DGKK: variants seen among roughly 807,000 people sequenced by gnomAD.
DGKK encodes the protein 142 kDa diacylglycerol kinase.
In DGKK, 35 loss-of-function variants were observed where a neutral mutation model predicts 92.2. The ratio of observed to expected loss-of-function variants is 0.38; its 90% confidence interval spans 0.29 to 0.50. The LOEUF (loss-of-function observed/expected upper bound fraction) is 0.50, where lower values mean the gene tolerates loss of function less well. DGKK is among the 20% of genes least tolerant of loss of function. The pLI, the probability that DGKK is intolerant of heterozygous loss-of-function variation, is 0.92. For synonymous variants in DGKK, 368 were observed against 360.6 expected, an observed-to-expected ratio of 1.02 and a Z score of -0.23; for missense variants, 910 against 992.2, an observed-to-expected ratio of 0.92 and a Z score of 1.11.
At chrX:50,377,012 G>C in intron 22 of DGKK, 94 bp from the exon 23 acceptor site, 1 of 900,224 alleles carries the variant, frequency 1.1e-6, no homozygotes, top group Non-Finnish European at 1.5e-6. Context: ...GTGGGCAATG[G>C]GTATGTGGGT....
intron 1 of DGKK, among the ~76,000 whole-genome samples, chrX:50,467,959 C>G (rs1926950736): frequency 8.9e-6 from 1 of 111,911 alleles, no homozygotes; most frequent in South Asian, 3.8e-4. Flanking sequence ...GGTTCTTAAC[C>G]CCATTCTACA....
rs781821988 is a variant in DGKK, at chrX:50,386,520, A to T, written c.2185T>A (p.Ser729Thr). 9.1e-6 allele frequency: 11 copies of T among 1,208,946 alleles called. No homozygotes were observed. The highest frequency in any genetic ancestry group is 1.2e-5 in the Non-Finnish European group (11 of 894,767). Residue 729 changes from serine (S) to threonine (T), a missense_variant, in exon 15 of 28, where the codon TCT becomes ACT. Physicochemically the swap from Ser to Thr is moderately conservative, Grantham distance 58. Coordinates refer to ENST00000611977, the MANE Select transcript of DGKK (RefSeq NM_001013742.4). Reference sequence around the variant, plus strand: ...TATTCTGTAGCACTTTTTTCAGCAGAAGTAGCTGCTGCCTCCTCAGCCAGG... The same window carrying T: ...TATTCTGTAGCACTTTTTTCAGCAGTAGTAGCTGCTGCCTCCTCAGCCAGG... Reference protein sequence around the residue: ...DVLAEEAAATSAEKSATEYAD... With the variant: ...DVLAEEAAATTAEKSATEYAD...
intron 22 of DGKK, among the ~76,000 whole-genome samples, chrX:50,377,717 AAGG>A (rs1357762234): frequency 8.9e-6 from 1 of 112,337 alleles, no homozygotes; most frequent in Non-Finnish European, 1.9e-5. Context: ...TCTGTTGCTG[AAGG>A]AGAAGATTTT....
intron 1 of DGKK, among the ~76,000 whole-genome samples, chrX:50,440,905 T>C (rs1425749236): frequency 8.9e-6 from 1 of 111,960 alleles, no homozygotes; most frequent in Admixed American, 9.4e-5. Context: ...ATAGAGTAGG[T>C]GGGCATAGCT....
At chrX:50,393,771 C>T (rs1255284003) in intron 8 of DGKK, among the ~76,000 whole-genome samples, 1 of 111,724 alleles carries the variant, frequency 9.0e-6, no homozygotes, top group Non-Finnish European at 1.9e-5. Context: ...TTTCTCTGCC[C>T]AGGATACCTC....
intron 1 of DGKK, among the ~76,000 whole-genome samples, chrX:50,445,006 C>T (rs988169395): frequency 3.3e-4 from 36 of 110,390 alleles, no homozygotes; most frequent in Non-Finnish European, 5.7e-4. Context: ...GATGGTATCT[C>T]GTTGTGGTTT....
At chrX:50,436,948 C>T (rs905425990) in intron 1 of DGKK, among the ~76,000 whole-genome samples, 4 of 111,615 alleles carry the variant, frequency 3.6e-5, no homozygotes, top group South Asian at 3.8e-4. Flanking sequence ...AAACTCTCTG[C>T]CATCATCACT....
intron 23 of DGKK, 69 bp downstream of exon 23, chrX:50,376,687 GAC>G (rs1487477797): frequency 9.8e-7 from 1 of 1,021,343 alleles, no homozygotes; most frequent in Non-Finnish European, 1.3e-6. Flanking sequence ...GTAGCCAATA[GAC>G]ACAAATTGGC....
chrX:50,385,821 T>C (rs942687670), intron 15 of DGKK, among the ~76,000 whole-genome samples: 9 of 111,374 alleles, frequency 8.1e-5, no homozygotes, highest in Non-Finnish European at 1.5e-4. Context: ...ACTGAGGGAG[T>C]TGAAGAGTTT....
At position 50,366,800 on chromosome X, in the gene DGKK, T is replaced by TAGTG. The variant is rs1367858829; in HGVS notation, c.*2136_*2139dup. ...ATAGAGGAGCCAAGTCAGGCTGCAATAGTGAGCTTGCTGATTTCATCTAAT... is the reference window on the plus strand; with the variant it reads ...ATAGAGGAGCCAAGTCAGGCTGCAATAGTGAGTGAGCTTGCTGATTTCATCTAAT... On this transcript the variant is annotated 3_prime_UTR_variant, in exon 28 of 28. Transcript: ENST00000611977. The TAGTG allele has an allele frequency of 9.2e-4, 103 of 111,944 alleles. No homozygotes were observed. The highest frequency in any genetic ancestry group is 3.2e-3 in the African/African-American group (100 of 30,831). The allele number at this position is 111,944 out of a possible 1,213,427, so 9.2% of individuals were successfully genotyped here.
At chrX:50,408,995 TC>T (rs1925239676) in intron 4 of DGKK, among the ~76,000 whole-genome samples, 2 of 111,332 alleles carry the variant, frequency 1.8e-5, no homozygotes, top group Admixed American at 9.5e-5. Flanking sequence ...TTGAATTGTA[TC>T]CCCCTAAAGG....
At chrX:50,432,191 G>A (rs781877705) in intron 1 of DGKK, among the ~76,000 whole-genome samples, 2 of 111,997 alleles carry the variant, frequency 1.8e-5, no homozygotes, top group Non-Finnish European at 3.8e-5. Flanking sequence ...TTTCTACCAC[G>A]CAGGTCTGCA....
At position 50,470,345 on chromosome X, in the gene DGKK, C is replaced by T. The variant is rs1391596636; in HGVS notation, c.334G>A (p.Glu112Lys). ...APEPATEPAP[E>K]PAPEPATESA... The stretch of plus-strand genomic sequence containing the variant: ...TCTGTGGCAGGTTCTGGGGCCGGTT[C>T]TGGGGCCGGCTCTGTGGCAGGTTCT... The change falls in exon 1 of 28, where the codon GAA (glutamate) becomes AAA (lysine). Residue 112 changes from glutamate (E) to lysine (K), a missense_variant. Coordinates refer to ENST00000611977, the MANE Select transcript of DGKK (RefSeq NM_001013742.4). 1 of 1,207,571 alleles carries T rather than the reference C, an allele frequency of 8.3e-7. No homozygotes were observed. Among genetic ancestry groups the T allele is most frequent in the African/African-American group, 1.8e-5 (1 of 57,131 alleles).
intron 1 of DGKK, among the ~76,000 whole-genome samples, chrX:50,434,480 T>G (rs1557230581): frequency 9.0e-6 from 1 of 111,042 alleles, no homozygotes; most frequent in Non-Finnish European, 1.9e-5. Flanking sequence ...ATCAAATAAC[T>G]ACATGATGAC....
chrX:50,437,255 C>A (rs1557230866), intron 1 of DGKK, among the ~76,000 whole-genome samples: 3 of 111,392 alleles, frequency 2.7e-5, no homozygotes, highest in Non-Finnish European at 1.9e-5. Context: ...GTTTCACCTC[C>A]ATTTATTTCC....
chrX:50,467,958 C>T (rs1453278244), intron 1 of DGKK, among the ~76,000 whole-genome samples: 3 of 112,132 alleles, frequency 2.7e-5, no homozygotes, highest in African/African-American at 9.7e-5. Context: ...TGGTTCTTAA[C>T]CCCATTCTAC....
At position 50,390,392 on chromosome X, in the gene DGKK, C is replaced by T. The variant is rs2147123975; in HGVS notation, c.1862G>A (p.Arg621His). ...CAGCGGGGTTTGTCTGGGAGTCTCA[C>T]GAATCATCACACTCCATCTGAAATG... ...RILDRWSVMI[R>H]ETPRQTPLLK... Residue 621 changes from arginine to histidine, a missense_variant, in exon 12 of 28, where the codon CGT (arginine) becomes CAT (histidine). By Grantham distance (29) the Arg-to-His change is conservative. Transcript: ENST00000611977. 2 of 1,207,634 alleles carry T rather than the reference C, an allele frequency of 1.7e-6. No homozygotes were observed. Among genetic ancestry groups the T allele is most frequent in the South Asian group, 3.5e-5 (2 of 56,714 alleles).
intron 14 of DGKK, 25 bp downstream of exon 14, chrX:50,387,529 T>A: frequency 8.9e-7 from 1 of 1,126,464 alleles, no homozygotes; most frequent in Non-Finnish European, 1.2e-6. Flanking sequence ...ACAAAGAGTA[T>A]AAGACAAAAG....
intron 22 of DGKK, 113 bp from the exon 23 acceptor site, chrX:50,377,031 T>A: frequency 1.3e-6 from 1 of 745,945 alleles, no homozygotes; most frequent in Non-Finnish European, 1.9e-6. Flanking sequence ...GTACAGTGGG[T>A]AGAGGGGAAG....
Sources: gnomAD v4.1 joint callset for allele counts (sites outside exome capture counted in the v4.1 genomes callset) on GRCh38, gnomAD v4.1.1 for gene constraint, MANE v1.5 for transcripts, NCBI Gene and HGNC (gene_info 2026-07-23, HGNC 2026-07-21) for gene names.